Variants in CCR5AS observed in about 807,000 individuals in gnomAD.
CCR5AS encodes CCR5 antisense RNA.
At chr3:46,377,930 C>A (rs1023854269) in intron 2 of CCR5AS, among the ~76,000 whole-genome samples, 67 of 152,294 alleles carry the variant, frequency 4.4e-4, no homozygotes, top group Non-Finnish European at 1.6e-4. Flanking sequence ...TGCTCTCGAT[C>A]TCCTGACCTC....
At chr3:46,392,972 G>A (rs748186944) in exon 2 of CCR5AS, 14 of 157,248 alleles carry the variant, frequency 8.9e-5, no homozygotes, top group Non-Finnish European at 1.4e-4. Context: ...AATGTTATGC[G>A]CATCCATATG....
chr3:46,368,898 G>A (rs918303391), intron 3 of CCR5AS, among the ~76,000 whole-genome samples: 1 of 152,168 alleles, frequency 6.6e-6, no homozygotes, highest in African/African-American at 2.4e-5. Context: ...GTAAGAACCA[G>A]CAATTGCCAC....
intron 1 of CCR5AS, among the ~76,000 whole-genome samples, chr3:46,400,714 G>A (rs1701999470): frequency 1.3e-5 from 2 of 152,224 alleles, no homozygotes; most frequent in Admixed American, 1.3e-4. Context: ...CCAGGATGAT[G>A]TGGGAAACTG....
chr3:46,368,206 C>T (rs774436752), intron 3 of CCR5AS, among the ~76,000 whole-genome samples: 2 of 152,098 alleles, frequency 1.3e-5, no homozygotes, highest in South Asian at 2.1e-4. Flanking sequence ...AGGGATGGCA[C>T]GAAACACCCT....
At chr3:46,364,447 C>T (rs2106732616) in exon 4 of CCR5AS, among the ~76,000 whole-genome samples, 1 of 152,174 alleles carries the variant, frequency 6.6e-6, no homozygotes, top group South Asian at 2.1e-4. Flanking sequence ...AACTATTGCT[C>T]AGAAAAAAAG....
At chr3:46,379,917 TAAA>T (rs1701802224) in intron 2 of CCR5AS, among the ~76,000 whole-genome samples, 2 of 150,960 alleles carry the variant, frequency 1.3e-5, no homozygotes, top group African/African-American at 2.4e-5. Context: ...AATAAATAAA[TAAA>T]TAAATAAATA....
At chr3:46,379,789 C>T (rs918645406) in intron 2 of CCR5AS, among the ~76,000 whole-genome samples, 2 of 151,844 alleles carry the variant, frequency 1.3e-5, no homozygotes, top group African/African-American at 4.8e-5. Flanking sequence ...CCCAGCTACT[C>T]GGGAGGCTGA....
At chr3:46,375,914 G>C (rs1701750344) in intron 2 of CCR5AS, 1 of 167,128 alleles carries the variant, frequency 6.0e-6, no homozygotes, top group Middle Eastern at 3.4e-3. Context: ...AATAGTAAGT[G>C]GTGAGAACTA....
At chr3:46,373,679 C>A in intron 2 of CCR5AS, 1 of 1,614,126 alleles carries the variant, frequency 6.2e-7, no homozygotes, top group South Asian at 1.1e-5. Flanking sequence ...TCCTGAACAC[C>A]TTCCAGGAAT....
chr3:46,389,769 C>G (rs1047637712), intron 2 of CCR5AS, among the ~76,000 whole-genome samples: 3 of 151,978 alleles, frequency 2.0e-5, no homozygotes, highest in Non-Finnish European at 4.4e-5. Flanking sequence ...ATAGCAAAGC[C>G]CGGTATCCAA....
At chr3:46,389,584 G>C (rs1701893095) in intron 2 of CCR5AS, among the ~76,000 whole-genome samples, 1 of 152,218 alleles carries the variant, frequency 6.6e-6, no homozygotes. Context: ...TAGCAGCACA[G>C]CCTTGTATTT....
intron 3 of CCR5AS, among the ~76,000 whole-genome samples, chr3:46,368,129 G>A (rs1253492055): frequency 6.6e-6 from 1 of 152,160 alleles, no homozygotes; most frequent in Non-Finnish European, 1.5e-5. Context: ...GCAAAGCAAT[G>A]CTTGGAACAT....
At chr3:46,405,976 C>T (rs575991816) in intron 1 of CCR5AS, among the ~76,000 whole-genome samples, 5 of 151,778 alleles carry the variant, frequency 3.3e-5, no homozygotes, top group South Asian at 2.1e-4. Flanking sequence ...CCTGGGCTCA[C>T]GTGAACATCC....
At chr3:46,384,092 T>C (rs1258956123) in intron 2 of CCR5AS, among the ~76,000 whole-genome samples, 1 of 152,106 alleles carries the variant, frequency 6.6e-6, no homozygotes, top group East Asian at 1.9e-4. Flanking sequence ...AAAGAATAGC[T>C]CTCTTGCCTG....
intron 2 of CCR5AS, chr3:46,375,849 A>T (rs192256035): frequency 1.1e-3 from 185 of 166,876 alleles, no homozygotes; most frequent in Non-Finnish European, 2.2e-3. Context: ...CATACTTGAG[A>T]CTGTTTTGAA....
chr3:46,398,660 A>G (rs780268805), intron 1 of CCR5AS, among the ~76,000 whole-genome samples: 2 of 152,114 alleles, frequency 1.3e-5, no homozygotes, highest in Non-Finnish European at 2.9e-5. Context: ...ACCCTCTGTA[A>G]TGTAGGAGCT....
intron 1 of CCR5AS, among the ~76,000 whole-genome samples, chr3:46,397,465 A>G (rs1462808233): frequency 5.9e-5 from 9 of 152,242 alleles, no homozygotes; most frequent in African/African-American, 2.2e-4. Context: ...GACAAGGTAT[A>G]GGGAGGCCAC....
At chr3:46,377,742 G>A (rs1418166712) in intron 2 of CCR5AS, among the ~76,000 whole-genome samples, 1 of 151,756 alleles carries the variant, frequency 6.6e-6, no homozygotes. Context: ...GTCTCGCTCT[G>A]TTGCCCAGGC....
At chr3:46,384,507 A>G (rs919023226) in intron 2 of CCR5AS, among the ~76,000 whole-genome samples, 1 of 152,198 alleles carries the variant, frequency 6.6e-6, no homozygotes, top group Non-Finnish European at 1.5e-5. Flanking sequence ...AAAAGAAATG[A>G]TTTGGGGGCT....
Sources: gnomAD v4.1 joint callset for allele counts (sites outside exome capture counted in the v4.1 genomes callset) on GRCh38, gnomAD v4.1.1 for gene constraint, MANE v1.5 for transcripts, NCBI Gene and HGNC (gene_info 2026-07-23, HGNC 2026-07-21) for gene names.